The following PTPRD variants were observed in gnomAD, a reference collection of about 807,000 sequenced individuals.
The protein encoded by PTPRD is receptor-type tyrosine-protein phosphatase delta.
In PTPRD, 34 loss-of-function variants were observed where a neutral mutation model predicts 214.5. The observed-to-expected ratio is 0.16, with a 90% CI of 0.12 to 0.21. The LOEUF (loss-of-function observed/expected upper bound fraction) is 0.21, where lower values mean the gene tolerates loss of function less well. Among genes scored for constraint, PTPRD ranks in the 10% least tolerant of loss-of-function variants. The pLI is 1.00. For missense variants in PTPRD, 2,545 were observed against 2,398.7 expected, an observed-to-expected ratio of 1.06 and a Z score of -1.27; for synonymous variants, 1,128 against 845.7, an observed-to-expected ratio of 1.33 and a Z score of -5.79.
chr9:8,736,283 C>T lies in PTPRD; in HGVS notation c.-103-2337G>A, dbSNP rs112472503. Among the ~76,000 whole-genome samples the T allele has an allele frequency of 6.1e-3, 933 of 152,248 alleles. 4 individuals carry two copies. The highest frequency in any genetic ancestry group is 0.021 in the African/African-American group (861 of 41,550). ...AGAACCCTCAATAAATCTAGCACAG[C>T]CTCTTATGCAGAGTACACTCTTAAT... On this transcript the variant is annotated intron_variant, in intron 11 of 45. Coordinates refer to ENST00000381196, the MANE Select transcript of PTPRD (RefSeq NM_002839.4).
chr9:9,333,051 T>A (rs1345517201), intron 9 of PTPRD, among the ~76,000 whole-genome samples: 2 of 151,908 alleles, frequency 1.3e-5, no homozygotes, highest in African/African-American at 4.8e-5. Flanking sequence ...CTTCAAGCAT[T>A]TATTAAATGT....
chr9:8,847,327 T>C (rs2097718126), intron 11 of PTPRD, among the ~76,000 whole-genome samples: 1 of 152,160 alleles, frequency 6.6e-6, no homozygotes, highest in Non-Finnish European at 1.5e-5. Context: ...TTATAAGTAT[T>C]ATTTTAAAAT....
intron 2 of PTPRD, among the ~76,000 whole-genome samples, chr9:10,472,505 G>A (rs543636895): frequency 7.9e-5 from 12 of 151,298 alleles, no homozygotes; most frequent in East Asian, 3.9e-4. Context: ...GGGGACTGGC[G>A]GAAACAAGTG....
intron 9 of PTPRD, among the ~76,000 whole-genome samples, chr9:9,369,330 G>A (rs961308597): frequency 9.2e-5 from 14 of 152,166 alleles, no homozygotes; most frequent in African/African-American, 2.2e-4. Flanking sequence ...ATCTCATTGC[G>A]GTTTTGATTT....
chr9:9,799,842 G>C (rs1282869918), intron 5 of PTPRD, among the ~76,000 whole-genome samples: 1 of 152,152 alleles, frequency 6.6e-6, no homozygotes, highest in Non-Finnish European at 1.5e-5. Context: ...TCTAGACTGA[G>C]AGAGACTAGG....
At chr9:9,864,026 C>T (rs909424525) in intron 5 of PTPRD, among the ~76,000 whole-genome samples, 3 of 152,092 alleles carry the variant, frequency 2.0e-5, no homozygotes, top group Admixed American at 6.5e-5. Flanking sequence ...AAGGTTTGGC[C>T]GGGCGCGGTG....
intron 2 of PTPRD, among the ~76,000 whole-genome samples, chr9:10,344,498 G>A (rs1476468921): frequency 6.6e-6 from 1 of 152,098 alleles, no homozygotes; most frequent in Non-Finnish European, 1.5e-5. Flanking sequence ...GCTTAGGATT[G>A]TCTTGGCAAT....
intron 7 of PTPRD, among the ~76,000 whole-genome samples, chr9:9,709,933 G>A (rs1338734175): frequency 2.6e-5 from 4 of 151,772 alleles, no homozygotes; most frequent in South Asian, 2.1e-4. Flanking sequence ...CATTGTACAC[G>A]CATTTATGTA....
intron 3 of PTPRD, among the ~76,000 whole-genome samples, chr9:10,113,452 C>T (rs1014650428): frequency 2.0e-5 from 3 of 152,168 alleles, no homozygotes; most frequent in African/African-American, 7.2e-5. Flanking sequence ...ATAACTCAAA[C>T]ACCAACCTCC....
At chr9:8,331,445 A>G in intron 44 of PTPRD, 137 bp downstream of exon 44, 2 of 1,001,974 alleles carry the variant, frequency 2.0e-6, no homozygotes, top group South Asian at 1.8e-5. Flanking sequence ...AAGAAAGAGA[A>G]ATCAATCCTG....
rs550349582 is a variant in PTPRD, at chr9:8,769,193, A to T, written c.-103-35247T>A. Among the ~76,000 whole-genome samples the T allele has an allele frequency of 2.3e-4, 35 of 152,376 alleles. No homozygotes were observed. The South Asian group carries it at 6.6e-3, about 29-fold the overall frequency. ...ATAAATGATTTATGTTATAATGTTT[A>T]CTAGGCATTGTATCAGGAAACATTT... On this transcript the variant is annotated intron_variant, in intron 11 of 45. Transcript: ENST00000381196.
intron 7 of PTPRD, among the ~76,000 whole-genome samples, chr9:9,611,541 T>G (rs1337650043): frequency 6.6e-6 from 1 of 152,126 alleles, no homozygotes; most frequent in Non-Finnish European, 1.5e-5. Flanking sequence ...ATAAAACATT[T>G]GGATGTATCT....
intron 2 of PTPRD, among the ~76,000 whole-genome samples, chr9:10,487,584 A>G (rs1367101250): frequency 2.6e-5 from 4 of 152,144 alleles, no homozygotes; most frequent in Non-Finnish European, 4.4e-5. Context: ...CAAAAAGCAA[A>G]CGAATATAGA....
Position 9,918,348 on chromosome 9 carries a change from A to C in PTPRD, c.-368+20159T>G, listed in dbSNP as rs2081522412. On this transcript the variant is annotated intron_variant, in intron 5 of 45. Coordinates refer to ENST00000381196, the MANE Select transcript of PTPRD (RefSeq NM_002839.4). ...TACCTAGGAATAAATTTAACCAAAG[A>C]GGTAAAAAAAAAAAAAAAAAAACTC... Among the ~76,000 whole-genome samples the C allele has an allele frequency of 2.0e-4, 15 of 74,504 alleles. No individual in the cohort carries two copies. In the South Asian group the frequency reaches 9.1e-3, roughly 45 times the overall value. 48.9% of individuals were successfully genotyped at this position (74,504 alleles called of 152,430 possible).
chr9:9,259,198 G>C (rs974451928), intron 9 of PTPRD, among the ~76,000 whole-genome samples: 12 of 151,844 alleles, frequency 7.9e-5, no homozygotes, highest in African/African-American at 2.9e-4. Flanking sequence ...GTGACTGCCA[G>C]ACATGGGACT....
chr9:10,364,016 T>TTTTTTTTTTTTTGA (rs2097458281), intron 2 of PTPRD, among the ~76,000 whole-genome samples: 1 of 142,954 alleles, frequency 7.0e-6, no homozygotes, highest in Admixed American at 7.0e-5. Context: ...TTTTTTTTTT[T>TTTTTTTTTTTTTGA]TGAGATGGAG....
intron 3 of PTPRD, among the ~76,000 whole-genome samples, chr9:10,166,359 C>T (rs1407351): frequency 0.43 from 64,876 of 150,580 alleles, 15,966 homozygotes; most frequent in African/African-American, 0.67. Context: ...TTGCTTTTTT[C>T]TGATGCCAAT....
chr9:9,220,691 T>G (rs2099955396), intron 9 of PTPRD, among the ~76,000 whole-genome samples: 1 of 152,104 alleles, frequency 6.6e-6, no homozygotes. Flanking sequence ...TACAGCACAG[T>G]CAACTACATT....
At chr9:8,872,130 C>T (rs940604764) in intron 11 of PTPRD, among the ~76,000 whole-genome samples, 34 of 152,186 alleles carry the variant, frequency 2.2e-4, no homozygotes, top group African/African-American at 5.1e-4. Context: ...GTGGTACCAC[C>T]TGTGCTTATG....
Sources: allele counts gnomAD v4.1 joint callset (sites outside exome capture counted in the v4.1 genomes callset), GRCh38; gene constraint gnomAD v4.1.1; transcripts MANE v1.5; gene names NCBI Gene and HGNC (gene_info 2026-07-23, HGNC 2026-07-21).